Variants in SCARF1 observed in about 807,000 individuals in gnomAD.
The protein encoded by SCARF1 is acetyl LDL receptor.
Under a neutral mutation model 76.3 loss-of-function variants are expected in SCARF1, and 49 were observed. The observed-to-expected ratio is 0.64, with a 90% CI of 0.51 to 0.81. SCARF1 has a LOEUF of 0.81. Among genes scored for constraint, SCARF1 ranks in the 40% least tolerant of loss-of-function variants. The pLI, the probability that SCARF1 is intolerant of heterozygous loss-of-function variation, is 0.00. For synonymous variants in SCARF1, 495 were observed against 474.6 expected (o/e 1.04, Z -0.56); for missense variants, 1,098 against 1,143.9 (o/e 0.96, Z 0.58).
chr17:1,635,551 G>A lies in SCARF1; in HGVS notation c.1700C>T (p.Pro567Leu), dbSNP rs1275498904. The change falls in exon 11 of 11, where the codon CCT becomes CTT. Residue 567 changes from proline to leucine, a missense_variant. Pro to Leu is a moderately conservative substitution (Grantham distance 98). Coordinates refer to ENST00000263071, the MANE Select transcript of SCARF1 (RefSeq NM_003693.4). ...ASLAAGAFPP[P>L]EDASTPFAIP... Reference sequence around the variant, plus strand: ...GGCGAATGGCGTGGAGGCGTCCTCAGGGGGCGGGAAAGCACCTGCAGCCAG... The same window carrying A: ...GGCGAATGGCGTGGAGGCGTCCTCAAGGGGCGGGAAAGCACCTGCAGCCAG... 4 of 1,612,016 alleles carry A rather than the reference G, an allele frequency of 2.5e-6. No individual in the cohort carries two copies. Among genetic ancestry groups the A allele is most frequent in the Admixed American group, 3.3e-5 (2 of 59,988 alleles).
In SCARF1 at chr17:1,636,926, C is replaced by G. The variant is rs374484419; in HGVS notation, c.1486+15G>C. The stretch of plus-strand genomic sequence containing the variant: ...CCTGTCCAATCCCAGACCCCGGCCC[C>G]CAGCGCCCACTGACCTGTCACCCAG... On this transcript the variant is annotated intron_variant, in intron 9 of 10. Coordinates refer to ENST00000263071, the MANE Select transcript of SCARF1 (RefSeq NM_003693.4). 2 of 1,614,092 alleles carry G rather than the reference C, an allele frequency of 1.2e-6. No homozygotes were observed. The highest frequency in any genetic ancestry group is 1.7e-6 in the Non-Finnish European group (2 of 1,180,004).
chr17:1,641,702 A>G (rs913630824), intron 4 of SCARF1, among the ~76,000 whole-genome samples: 1 of 152,138 alleles, frequency 6.6e-6, no homozygotes, highest in African/African-American at 2.4e-5. Flanking sequence ...CCTGACCAGC[A>G]TTTTTATTTC....
At position 1,640,136 on chromosome 17, in the gene SCARF1, G is replaced by A. The variant is rs1189762478; in HGVS notation, c.1011-96C>T. The A allele has an allele frequency of 3.5e-6, 5 of 1,440,090 alleles. No homozygotes were observed. Among genetic ancestry groups the A allele is most frequent in the Non-Finnish European group, 4.7e-6 (5 of 1,062,164 alleles). 89.2% of individuals were successfully genotyped at this position (1,440,090 alleles called of 1,614,324 possible). A position where few individuals can be genotyped will look rare whatever the true frequency, so the allele number is the denominator to read the frequency against. On this transcript the variant is annotated intron_variant, in intron 5 of 10. Transcript: ENST00000263071. This position sits in a 1 kb window ranked among gnomAD's most constrained non-coding sequence, Gnocchi z 4.7. The stretch of plus-strand genomic sequence containing the variant: ...TCCGCCCCACGCTCCTGGACTCAAG[G>A]ACCCAACTGGCCACTCCTCAGCAGT...
rs569609745 is a variant in SCARF1, at chr17:1,634,666, C to G, written c.*92G>C. 24 of 1,471,416 alleles carry G rather than the reference C, an allele frequency of 1.6e-5. No individual in the cohort carries two copies. The Admixed American group carries it at 4.6e-4, about 28-fold the overall frequency. The allele number at this position is 1,471,416 out of a possible 1,614,324, so 91.1% of individuals were successfully genotyped here. A position where few individuals can be genotyped will look rare whatever the true frequency, so the allele number is the denominator to read the frequency against. ...CCTTTTCCCTGTGGAGGCGCAGAGG[C>G]TCTGGTTTGTCTGTCCTGGCCCCGG... On this transcript the variant is annotated 3_prime_UTR_variant, in exon 11 of 11. Transcript: ENST00000263071.
In SCARF1 at chr17:1,635,434, G is replaced by T. The variant is rs775514039; in HGVS notation, c.1817C>A (p.Ser606Ter). Reference sequence around the variant, plus strand: ...TCGGAGCGGGCTGGAGAGCTCCCCTGAGCTTCGGCGACTCTGTGGTGCAAA... The same window carrying T: ...TCGGAGCGGGCTGGAGAGCTCCCCTTAGCTTCGGCGACTCTGTGGTGCAAA... Reference protein sequence around the residue: ...TKFAPQSRRSSGELSSPLRKP... With the variant: ...TKFAPQSRRS Residue 606 changes from serine to a stop codon, truncating the protein, a stop_gained, in exon 11 of 11, where the codon TCA (serine) becomes TAA (stop). Transcript: ENST00000263071. LOFTEE classifies it low-confidence loss of function (END_TRUNC). 9.3e-6 allele frequency: 15 copies of T among 1,614,080 alleles called. No individual in the cohort carries two copies. Among genetic ancestry groups the T allele is most frequent in the Non-Finnish European group, 1.3e-5 (15 of 1,179,958 alleles).
intron 10 of SCARF1, among the ~76,000 whole-genome samples, chr17:1,636,417 G>A (rs994073188): frequency 6.6e-6 from 1 of 151,920 alleles, no homozygotes; most frequent in Non-Finnish European, 1.5e-5. Flanking sequence ...GGTGGATCAC[G>A]ATCCTGGCTA....
intron 6 of SCARF1, 44 bp from the exon 7 acceptor site, chr17:1,639,786 G>T (rs372867309): frequency 2.2e-5 from 35 of 1,603,852 alleles, no homozygotes; most frequent in African/African-American, 8.0e-5. Flanking sequence ...TGGGTGAAGT[G>T]GGGGAGGCAG....
chr17:1,643,717 G>A lies in SCARF1; in HGVS notation c.516C>T (p.Cys172=), dbSNP rs1008830513. 9.7e-6 allele frequency: 13 copies of A among 1,335,820 alleles called. No individual in the cohort carries two copies. Among genetic ancestry groups the A allele is most frequent in the Non-Finnish European group, 1.1e-5 (12 of 1,050,400 alleles). 82.7% of individuals were successfully genotyped at this position (1,335,820 alleles called of 1,614,324 possible). A position where few individuals can be genotyped will look rare whatever the true frequency, so the allele number is the denominator to read the frequency against. Residue 172 remains cysteine (C), a synonymous_variant, in exon 4 of 11, where the codon TGC becomes TGT. Transcript: ENST00000263071. ...ACACGCAGGCGCCCGTGGCCTGCTC[G>A]CAGCGCGCCGCCGCGGTGTTGCACT... is the stretch of plus-strand genomic sequence containing the variant. ...PCQCNTAAAR[C]EQATGACVCK...
chr17:1,644,032 C>T lies in SCARF1; in HGVS notation c.266-65G>A. On this transcript the variant is annotated intron_variant, in intron 3 of 10. Transcript: ENST00000263071. This position sits in a 1 kb window ranked among gnomAD's most constrained non-coding sequence, Gnocchi z 4.8. ...CCGCGCGCAGACCCTTACCCTGCGTCCCCTTCCTCAAGGAAAAGGGGCGCT... is the reference window on the plus strand; with the variant it reads ...CCGCGCGCAGACCCTTACCCTGCGTTCCCTTCCTCAAGGAAAAGGGGCGCT... 2 of 1,211,650 alleles carry T rather than the reference C, an allele frequency of 1.7e-6. No homozygotes were observed. The highest frequency in any genetic ancestry group is 2.1e-6 in the Non-Finnish European group (2 of 959,264). 75.1% of individuals were successfully genotyped at this position (1,211,650 alleles called of 1,614,324 possible). A position where few individuals can be genotyped will look rare whatever the true frequency, so the allele number is the denominator to read the frequency against.
rs1171848539 is a variant in SCARF1 at position 1,644,012 on chromosome 17, C to CA, written c.266-46_266-45insT. ...AGGGGTCAGCGGGCTCAGGGCCGCG[C>CA]GCAGACCCTTACCCTGCGTCCCCTT... is the stretch of plus-strand genomic sequence containing the variant. On this transcript the variant is annotated intron_variant, in intron 3 of 10. Coordinates refer to ENST00000263071, the MANE Select transcript of SCARF1 (RefSeq NM_003693.4). This position sits in a 1 kb window ranked among gnomAD's most constrained non-coding sequence, Gnocchi z 4.8. 2.0e-5 allele frequency: 25 copies of CA among 1,276,788 alleles called. No individual in the cohort carries two copies. The highest frequency in any genetic ancestry group is 4.2e-5 in the Admixed American group (1 of 24,022). 79.1% of individuals were successfully genotyped at this position (1,276,788 alleles called of 1,614,324 possible).
Position 1,636,830 on chromosome 17 carries a change from G to A in SCARF1, c.1512C>T (p.Pro504=), listed in dbSNP as rs746069938. Residue 504 remains proline (P), a synonymous_variant, in exon 10 of 11, where the codon CCC becomes CCT. Transcript: ENST00000263071. ...GCGGCTCGATGAAGCTGTGGTTGAA[G>A]GGGACCTCCGGGTCGTGATGTGAGA... is the stretch of plus-strand genomic sequence containing the variant. ...VTVSHHDPEV[P]FNHSFIEPPS... The A allele has an allele frequency of 1.2e-6, 2 of 1,613,918 alleles. No homozygotes were observed. Among genetic ancestry groups the A allele is most frequent in the South Asian group, 2.2e-5 (2 of 91,078 alleles).
In SCARF1 at chr17:1,635,500, C is replaced by T. The variant is rs1350045146; in HGVS notation, c.1751G>A (p.Arg584Gln). The T allele has an allele frequency of 3.1e-6, 5 of 1,613,948 alleles. No homozygotes were observed. The African/African-American group carries it at 4.0e-5, about 13-fold the overall frequency. ...GAAGGAGACCGATGGCCGCTTGGCC[C>T]GAGCTAGGCTGGAGGTGCGCGGGAT... ...FAIPRTSSLA[R>Q]AKRPSVSFAE... Residue 584 changes from arginine to glutamine, a missense_variant, in exon 11 of 11, where the codon CGG (arginine) becomes CAG (glutamine). Physicochemically the swap from Arg to Gln is conservative, Grantham distance 43 (BLOSUM62 1). Coordinates refer to ENST00000263071, the MANE Select transcript of SCARF1 (RefSeq NM_003693.4).
chr17:1,636,617 A>T (rs1339416535), intron 10 of SCARF1, 92 bp downstream of exon 10: 4 of 1,452,828 alleles, frequency 2.8e-6, no homozygotes, highest in Admixed American at 2.3e-5. Context: ...GTCTCAAAAA[A>T]AAATAAAAAT....
chr17:1,635,414 G>A lies in SCARF1; in HGVS notation c.1837C>T (p.Leu613Phe). ...RRSSGELSSPLRKPKRLSRGA... is the reference protein window; with the variant it reads ...RRSSGELSSPFRKPKRLSRGA... ...CGGGAGAGCCTCTTGGGCTTTCGGA[G>A]CGGGCTGGAGAGCTCCCCTGAGCTT... Residue 613 changes from leucine to phenylalanine, a missense_variant, in exon 11 of 11, where the codon CTC becomes TTC. Coordinates refer to ENST00000263071, the MANE Select transcript of SCARF1 (RefSeq NM_003693.4). The A allele has an allele frequency of 6.2e-7, 1 of 1,613,994 alleles. No homozygotes were observed. Among genetic ancestry groups the A allele is most frequent in the African/African-American group, 1.3e-5 (1 of 75,060 alleles).
chr17:1,635,660 C>T (rs1402430371), intron 10 of SCARF1, 43 bp from the exon 11 acceptor site: 1 of 1,561,516 alleles, frequency 6.4e-7, no homozygotes, highest in Non-Finnish European at 8.6e-7. Context: ...CTGAACTGGC[C>T]ACCCCAATGC....
At position 1,634,887 on chromosome 17, in the gene SCARF1, C is replaced by T. The variant is rs1209274479; in HGVS notation, c.2364G>A (p.Arg788=). ...AGCCAGAGACTGGCTCCTGGGCTCT[C>T]CTTGAACTCTCGGTGCCAGCCCCCA... The part of the protein sequence containing the change: ...RGLGAGTESS[R]RAQEPVSGCG... The change falls in exon 11 of 11, where the codon AGG becomes AGA. Residue 788 remains arginine, a synonymous_variant. Coordinates refer to ENST00000263071, the MANE Select transcript of SCARF1 (RefSeq NM_003693.4). 1.2e-6 allele frequency: 2 copies of T among 1,613,942 alleles called. No individual in the cohort carries two copies. Among genetic ancestry groups the T allele is most frequent in the South Asian group, 1.1e-5 (1 of 91,078 alleles).
intron 4 of SCARF1, among the ~76,000 whole-genome samples, chr17:1,642,222 T>C (rs933507814): frequency 7.2e-5 from 11 of 152,002 alleles, no homozygotes; most frequent in Non-Finnish European, 1.5e-5. Flanking sequence ...TTAGGGTACA[T>C]GTGCACATTG....
chr17:1,645,653 C>A lies in SCARF1; in HGVS notation c.45G>T (p.Arg15=). The stretch of plus-strand genomic sequence containing the variant: ...GGTCCAGCTCGGACCCCTGAGTCCC[C>A]CGAGTCCAGAGCAGCAGCAGCGGGA... ...LLLPLLLLWT[R]GTQGSELDPK... Residue 15 remains arginine, a synonymous_variant, in exon 1 of 11, where the codon CGG becomes CGT. Transcript: ENST00000263071. The surrounding 1 kb of genome is among the most constrained non-coding windows in gnomAD (Gnocchi z 6.3). The A allele has an allele frequency of 6.2e-7, 1 of 1,608,890 alleles. No homozygotes were observed.
In SCARF1 at chr17:1,645,562, G is replaced by T. The variant is rs1203804413; in HGVS notation, c.101+35C>A. 6.3e-7 allele frequency: 1 copy of T among 1,588,668 alleles called. No homozygotes were observed. Among genetic ancestry groups the T allele is most frequent in the Non-Finnish European group, 8.5e-7 (1 of 1,172,374 alleles). ...CATCAGACTCCCACGAGACCCACCT[G>T]CTGGCCACACGCATCAGACTCCCAC... On this transcript the variant is annotated intron_variant, in intron 1 of 10. Transcript: ENST00000263071. This position sits in a 1 kb window ranked among gnomAD's most constrained non-coding sequence, Gnocchi z 6.3.
Sources: allele counts gnomAD v4.1 joint callset (sites outside exome capture counted in the v4.1 genomes callset), GRCh38; gene constraint gnomAD v4.1.1; non-coding constraint Gnocchi (gnomAD v3.1); transcripts MANE v1.5; gene names NCBI Gene and HGNC (gene_info 2026-07-23, HGNC 2026-07-21).